The following SLIT1 variants were observed in gnomAD, a reference collection of about 807,000 sequenced individuals.
SLIT1 encodes slit homolog 1 protein.
A neutral mutation model predicts 186.1 loss-of-function variants in SLIT1; 66 were observed. The ratio of observed to expected loss-of-function variants is 0.35; its 90% CI spans 0.29 to 0.44. The LOEUF (loss-of-function observed/expected upper bound fraction) is 0.44. Ranked by LOEUF, SLIT1 falls within the 20% of genes least tolerant of loss-of-function variation. The pLI is 1.00. For synonymous variants in SLIT1, 761 were observed against 833.8 expected, an observed-to-expected ratio of 0.91 and a Z score of 1.50; for missense variants, 1,638 against 2,037.4, an observed-to-expected ratio of 0.80 and a Z score of 3.77.
intron 31 of SLIT1, among the ~76,000 whole-genome samples, chr10:97,009,881 A>G (rs1446552618): frequency 6.6e-6 from 1 of 152,272 alleles, no homozygotes; most frequent in Non-Finnish European, 1.5e-5. Context: ...ACATGAAAAG[A>G]TGCTCAACAT....
At chr10:97,044,189 G>A (rs557698570) in intron 18 of SLIT1, among the ~76,000 whole-genome samples, 27 of 152,372 alleles carry the variant, frequency 1.8e-4, no homozygotes, top group Admixed American at 2.0e-4. Flanking sequence ...GAAACCAGGG[G>A]TTTGAGACCA....
intron 4 of SLIT1, among the ~76,000 whole-genome samples, chr10:97,124,566 G>T (rs774419972): frequency 1.3e-5 from 2 of 152,194 alleles, no homozygotes; most frequent in African/African-American, 4.8e-5. Flanking sequence ...CGGCTTCCCA[G>T]GGGGAGACAA....
chr10:97,135,568 G>A (rs978778879), intron 4 of SLIT1, among the ~76,000 whole-genome samples: 1 of 152,174 alleles, frequency 6.6e-6, no homozygotes, highest in African/African-American at 2.4e-5. Flanking sequence ...GGAAGCCGGG[G>A]TGGAAGCAGC....
chr10:97,141,197 A>G (rs1849754112), intron 4 of SLIT1, among the ~76,000 whole-genome samples: 1 of 152,160 alleles, frequency 6.6e-6, no homozygotes, highest in Admixed American at 6.5e-5. Flanking sequence ...ATGAGGTGAC[A>G]AGCACAGCAG....
At chr10:97,125,982 AAG>A (rs961789765) in intron 4 of SLIT1, among the ~76,000 whole-genome samples, 1 of 152,068 alleles carries the variant, frequency 6.6e-6, no homozygotes, top group African/African-American at 2.4e-5. Flanking sequence ...ATTCTGAAGA[AAG>A]AGAGAGAGAA....
Position 97,060,113 on chromosome 10 carries a change from G to A in SLIT1, c.987C>T (p.Phe329=), listed in dbSNP as rs1351880888. The A allele has an allele frequency of 6.2e-7, 1 of 1,614,114 alleles. No individual in the cohort carries two copies. The highest frequency in any genetic ancestry group is 1.3e-5 in the African/African-American group (1 of 75,066). ...TCCTCCGTAGCTTTCTGTAGGGTGAGAAGGCTCCAGGAGGGATGGACTTGA... is the reference window on the plus strand; with the variant it reads ...TCCTCCGTAGCTTTCTGTAGGGTGAAAAGGCTCCAGGAGGGATGGACTTGA... The part of the protein sequence containing the change: ...NGIKSIPPGA[F]SPYRKLRRID... Residue 329 remains phenylalanine, a synonymous_variant, in exon 10 of 37, where the codon TTC becomes TTT. Coordinates refer to ENST00000266058, the MANE Select transcript of SLIT1 (RefSeq NM_003061.3).
intron 28 of SLIT1, among the ~76,000 whole-genome samples, chr10:97,017,879 G>A (rs1342452696): frequency 4.8e-5 from 7 of 146,496 alleles, no homozygotes; most frequent in South Asian, 2.1e-4. Flanking sequence ...ACAGAGTTTC[G>A]CTCTTGTTGC....
intron 34 of SLIT1, among the ~76,000 whole-genome samples, chr10:97,003,243 G>A (rs370137254): frequency 3.3e-5 from 5 of 152,380 alleles, no homozygotes; most frequent in African/African-American, 9.6e-5. Context: ...GCTGCTGCGT[G>A]TGGCTCTGAG....
chr10:97,017,464 T>C (rs1201992249), intron 28 of SLIT1, among the ~76,000 whole-genome samples: 1 of 152,206 alleles, frequency 6.6e-6, no homozygotes, highest in East Asian at 1.9e-4. Flanking sequence ...GTGGGGCTCA[T>C]TGGGCGGTCC....
chr10:97,033,891 G>T, intron 23 of SLIT1, among the ~76,000 whole-genome samples: 1 of 141,248 alleles, frequency 7.1e-6, no homozygotes, highest in South Asian at 2.3e-4. Flanking sequence ...CTGAGACAGA[G>T]TCTCGCTCTA....
intron 8 of SLIT1, among the ~76,000 whole-genome samples, chr10:97,061,595 A>C (rs1347105190): frequency 6.6e-6 from 1 of 152,194 alleles, no homozygotes; most frequent in African/African-American, 2.4e-5. Flanking sequence ...ACAATCTTTG[A>C]GATTCACTAT....
At chr10:97,100,697 A>G (rs546956805) in intron 4 of SLIT1, among the ~76,000 whole-genome samples, 1 of 152,354 alleles carries the variant, frequency 6.6e-6, no homozygotes, top group Admixed American at 6.5e-5. Context: ...TAACAATAAA[A>G]CCAATAATAA....
intron 30 of SLIT1, among the ~76,000 whole-genome samples, chr10:97,011,622 C>A (rs1394107753): frequency 6.6e-6 from 1 of 152,180 alleles, no homozygotes; most frequent in African/African-American, 2.4e-5. Context: ...GGTGCCTTGA[C>A]CTCAGGTAAG....
rs758761421 is a variant in SLIT1 at position 97,019,055 on chromosome 10, C to A, written c.2799G>T (p.Pro933=). 1.9e-6 allele frequency: 3 copies of A among 1,613,692 alleles called. No homozygotes were observed. Among genetic ancestry groups the A allele is most frequent in the Non-Finnish European group, 2.5e-6 (3 of 1,179,938 alleles). ...QAKCDLCLSS[P]CQNQGTCHND... The stretch of plus-strand genomic sequence containing the variant: ...TGTGGCAGGTGCCCTGGTTCTGGCA[C>A]GGACTGGACAAGCAGAGATCACACT... The change falls in exon 27 of 37, where the codon CCG becomes CCT. Residue 933 remains proline, a synonymous_variant. Transcript: ENST00000266058.
chr10:97,175,674 C>T lies in SLIT1; in HGVS notation c.197+9804G>A, dbSNP rs1202737944. 5.3e-5 allele frequency among the ~76,000 whole-genome samples: 8 copies of T among 152,294 alleles called. No individual in the cohort carries two copies. The East Asian group carries it at 1.3e-3, about 26-fold the overall frequency. ...AGTCCCTTCACTTCTGAGGCCCTGC[C>T]TTGCTCTTGCCAATCCCCTTCCCAG... is the stretch of plus-strand genomic sequence containing the variant. On this transcript the variant is annotated intron_variant, in intron 1 of 36. Coordinates refer to ENST00000266058, the MANE Select transcript of SLIT1 (RefSeq NM_003061.3).
In SLIT1 at chr10:97,043,137, G is replaced by A. The variant is rs1848704130; in HGVS notation, c.1998-70C>T. On this transcript the variant is annotated intron_variant, in intron 19 of 36. Transcript: ENST00000266058. The surrounding 1 kb of genome is among the most constrained non-coding windows in gnomAD (Gnocchi z 7.0). ...TCAGAGGTCCCAGCAAACCCCTCCTGTACCACGGACACAGGGCCACATGGC... is the reference window on the plus strand; with the variant it reads ...TCAGAGGTCCCAGCAAACCCCTCCTATACCACGGACACAGGGCCACATGGC... The A allele has an allele frequency of 8.5e-6, 13 of 1,527,726 alleles. No individual in the cohort carries two copies. Among genetic ancestry groups the A allele is most frequent in the Non-Finnish European group, 1.1e-5 (12 of 1,121,362 alleles). The allele number at this position is 1,527,726 out of a possible 1,614,324, so 94.6% of individuals were successfully genotyped here.
intron 1 of SLIT1, among the ~76,000 whole-genome samples, chr10:97,168,759 A>G (rs2134734094): frequency 6.6e-6 from 1 of 152,350 alleles, no homozygotes; most frequent in East Asian, 1.9e-4. Context: ...GTCATGAAAA[A>G]TCTGATGAAT....
At position 97,001,229 on chromosome 10, in the gene SLIT1, G is replaced by A. The variant is rs1188307764; in HGVS notation, c.4488C>T (p.Gly1496=). 1 of 1,613,196 alleles carries A rather than the reference G, an allele frequency of 6.2e-7. No homozygotes were observed. Among genetic ancestry groups the A allele is most frequent in the Non-Finnish European group, 8.5e-7 (1 of 1,179,942 alleles). The change falls in exon 37 of 37, where the codon GGC becomes GGT. Residue 1496 remains glycine, a synonymous_variant. Coordinates refer to ENST00000266058, the MANE Select transcript of SLIT1 (RefSeq NM_003061.3). The stretch of plus-strand genomic sequence containing the variant: ...GCTTCAGCCGAAGGCCCTGGCAGCA[G>A]CCCTGGCCTGGGCACGAGCCCCGGC... ...VECRGSCPGQ[G]CCQGLRLKRR...
intron 10 of SLIT1, 134 bp downstream of exon 10, chr10:97,059,953 A>G (rs1848876761): frequency 1.3e-6 from 1 of 771,794 alleles, no homozygotes; most frequent in Non-Finnish European, 2.3e-6. Flanking sequence ...CCTGAAGGGC[A>G]GGAAGGTCAG....
Sources: allele counts gnomAD v4.1 joint callset (sites outside exome capture counted in the v4.1 genomes callset), GRCh38; gene constraint gnomAD v4.1.1; non-coding constraint Gnocchi (gnomAD v3.1); transcripts MANE v1.5; gene names NCBI Gene and HGNC (gene_info 2026-07-23, HGNC 2026-07-21).